Variants in SAFB observed in about 807,000 individuals in gnomAD.
The protein encoded by SAFB is scaffold attachment factor B1.
SAFB carries 15 observed loss-of-function variants against 101.6 expected under a neutral mutation model. That is an observed-to-expected ratio of 0.15 (90% CI 0.10 to 0.23). The LOEUF is 0.23. Ranked by LOEUF, SAFB falls within the 10% of genes least tolerant of loss-of-function variation. The probability of loss-of-function intolerance (pLI) is 1.00; values close to 1 mark genes in which losing one functional copy is unlikely to be tolerated. For synonymous variants in SAFB, 449 were observed against 407.5 expected, an observed-to-expected ratio of 1.10 and a Z score of -1.23; for missense variants, 930 against 1,104.1, an observed-to-expected ratio of 0.84 and a Z score of 2.23.
In SAFB at chr19:5,623,147, A is replaced by G; in HGVS notation, c.-59A>G. ...GCAGGCGGCGCCATTTTGTGCTAGG[A>G]GCCTGATAAAACCGGCCCGGTTCTG... On this transcript the variant is annotated 5_prime_UTR_variant, in exon 1 of 21. Transcript: ENST00000588852. The G allele has an allele frequency of 6.6e-7, 1 of 1,508,616 alleles. No individual in the cohort carries two copies. The highest frequency in any genetic ancestry group is 9.0e-7 in the Non-Finnish European group (1 of 1,113,068). The allele number at this position is 1,508,616 out of a possible 1,614,324, so 93.5% of individuals were successfully genotyped here.
chr19:5,667,973 C>G lies in SAFB; in HGVS notation c.2624+87C>G. 1 of 1,449,040 alleles carries G rather than the reference C, an allele frequency of 6.9e-7. No individual in the cohort carries two copies. Among genetic ancestry groups the G allele is most frequent in the Middle Eastern group, 1.8e-4 (1 of 5,528 alleles). 89.8% of individuals were successfully genotyped at this position (1,449,040 alleles called of 1,614,324 possible). A position where few individuals can be genotyped will look rare whatever the true frequency, so the allele number is the denominator to read the frequency against. On this transcript the variant is annotated intron_variant, in intron 20 of 20. Transcript: ENST00000588852. This position sits in a 1 kb window ranked among gnomAD's most constrained non-coding sequence, Gnocchi z 4.0. The stretch of plus-strand genomic sequence containing the variant: ...AGGCTTAACAACCAAGTCCTTCCAG[C>G]TAGTGCCCCTCCCCCCAAGGGTGAC...
At chr19:5,645,433 GA>G in intron 5 of SAFB, 34 bp downstream of exon 5, 1 of 1,012,898 alleles carries the variant, frequency 9.9e-7, no homozygotes, top group Non-Finnish European at 1.6e-6. Context: ...CTTTTAGAAT[GA>G]AAGGTCAGAC....
chr19:5,657,422 C>A, intron 14 of SAFB, 75 bp downstream of exon 14: 2 of 1,013,536 alleles, frequency 2.0e-6, no homozygotes, highest in South Asian at 1.4e-5. Flanking sequence ...AGGATGTTTG[C>A]AGAGTTCCCT....
intron 14 of SAFB, 101 bp from the exon 15 acceptor site, chr19:5,661,417 A>G: frequency 6.5e-7 from 1 of 1,537,418 alleles, no homozygotes; most frequent in Non-Finnish European, 8.7e-7. Flanking sequence ...TAGTGGACGC[A>G]CAGCCCTGGA....
At chr19:5,664,181 C>T (rs780760535) in intron 16 of SAFB, 22 bp downstream of exon 16, 7 of 1,609,608 alleles carry the variant, frequency 4.3e-6, no homozygotes, top group East Asian at 4.5e-5. Flanking sequence ...CCCTGCTGGG[C>T]GTGCGGGTTT....
rs757641214 is a variant in SAFB at position 5,668,285 on chromosome 19, C to T, written c.2748C>T (p.Arg916=). ...CCAGCGATGCCCGCTTCACTCGCCG[C>T]TACTGAGTACTTGGAATCCTGTGTC... ...SRPSDARFTR[R]Y Residue 916 remains arginine, a synonymous_variant, in exon 21 of 21, where the codon CGC becomes CGT. Coordinates refer to ENST00000588852, the MANE Select transcript of SAFB (RefSeq NM_001201338.2). 1 of 1,611,782 alleles carries T rather than the reference C, an allele frequency of 6.2e-7. No homozygotes were observed. Among genetic ancestry groups the T allele is most frequent in the Non-Finnish European group, 8.5e-7 (1 of 1,179,580 alleles).
chr19:5,631,549 A>C (rs1265706159), intron 2 of SAFB, among the ~76,000 whole-genome samples: 2 of 152,250 alleles, frequency 1.3e-5, no homozygotes, highest in East Asian at 3.8e-4. Context: ...TGTGAATTCA[A>C]AATGCTTTAA....
chr19:5,658,842 C>CA (rs1018876115), intron 14 of SAFB, among the ~76,000 whole-genome samples: 11 of 86,424 alleles, frequency 1.3e-4, no homozygotes, highest in Admixed American at 4.5e-4. Context: ...GACTCCATCT[C>CA]AAAAAAAAAG....
chr19:5,631,420 TTACAG>T (rs756280326), intron 2 of SAFB, among the ~76,000 whole-genome samples: 12 of 152,198 alleles, frequency 7.9e-5, no homozygotes, highest in Admixed American at 2.0e-4. Context: ...TTCTAGAAAT[TTACAG>T]TACATTTTGA....
intron 5 of SAFB, among the ~76,000 whole-genome samples, chr19:5,646,122 G>A (rs1487077866): frequency 6.6e-6 from 1 of 152,070 alleles, no homozygotes; most frequent in Non-Finnish European, 1.5e-5. Flanking sequence ...ATTCTTAGGA[G>A]AACTTTTTGT....
At chr19:5,637,171 C>T (rs965299010) in intron 2 of SAFB, among the ~76,000 whole-genome samples, 10 of 150,404 alleles carry the variant, frequency 6.6e-5, no homozygotes, top group Admixed American at 4.0e-4. Flanking sequence ...GGTGAAACCC[C>T]GTCTCTACTA....
At chr19:5,662,958 A>C (rs2054248934) in intron 15 of SAFB, among the ~76,000 whole-genome samples, 1 of 145,772 alleles carries the variant, frequency 6.9e-6, no homozygotes, top group African/African-American at 2.5e-5. Context: ...TGGCTTTTTA[A>C]ATCCATTGTA....
chr19:5,636,836 G>A (rs1354121635), intron 2 of SAFB, among the ~76,000 whole-genome samples: 2 of 151,714 alleles, frequency 1.3e-5, no homozygotes, highest in Non-Finnish European at 2.9e-5. Flanking sequence ...AGCCTCCCGA[G>A]TAGCTGGGAT....
intron 2 of SAFB, among the ~76,000 whole-genome samples, chr19:5,639,776 T>C (rs1392683705): frequency 6.6e-6 from 1 of 152,126 alleles, no homozygotes; most frequent in South Asian, 2.1e-4. Context: ...GAAAATATGT[T>C]TTGTACATAT....
intron 1 of SAFB, chr19:5,624,030 T>C (rs1378664800): frequency 1.3e-5 from 2 of 152,170 alleles, no homozygotes; most frequent in Non-Finnish European, 2.9e-5. Flanking sequence ...TTGACGGTAG[T>C]GATCAGAAAT....
chr19:5,626,271 C>A, intron 1 of SAFB, 134 bp from the exon 2 acceptor site: 2 of 564,002 alleles, frequency 3.5e-6, no homozygotes. Context: ...GTGGATGGGC[C>A]ACAGGTCCTG....
At chr19:5,662,512 A>G (rs895389003) in intron 15 of SAFB, among the ~76,000 whole-genome samples, 1 of 151,678 alleles carries the variant, frequency 6.6e-6, no homozygotes, top group Non-Finnish European at 1.5e-5. Flanking sequence ...AAAATTAGAG[A>G]CAGGAGGCTG....
intron 7 of SAFB, 72 bp from the exon 8 acceptor site, chr19:5,649,854 C>T (rs2053897232): frequency 1.4e-6 from 2 of 1,402,674 alleles, no homozygotes; most frequent in Admixed American, 1.7e-5. Context: ...AACCTCAGCA[C>T]GAATTTTATG....
intron 15 of SAFB, 113 bp from the exon 16 acceptor site, chr19:5,663,909 T>A: frequency 1.7e-6 from 2 of 1,202,262 alleles, no homozygotes; most frequent in Non-Finnish European, 1.2e-6. Context: ...GAGAGAACAC[T>A]CTTGGTGAAA....
Sources: gnomAD v4.1 joint callset for allele counts (sites outside exome capture counted in the v4.1 genomes callset) on GRCh38, gnomAD v4.1.1 for gene constraint, Gnocchi (gnomAD v3.1) non-coding constraint, MANE v1.5 for transcripts, NCBI Gene and HGNC (gene_info 2026-07-23, HGNC 2026-07-21) for gene names.